The following FRY variants were observed in gnomAD, a reference collection of about 807,000 sequenced individuals.
The protein encoded by FRY is protein furry homolog.
In FRY, 128 loss-of-function variants were observed where a neutral mutation model predicts 348.4. The ratio of observed to expected loss-of-function variants is 0.37; its 90% CI spans 0.32 to 0.43. The LOEUF is 0.43. Among genes scored for constraint, FRY ranks in the 20% least tolerant of loss-of-function variants. The probability of loss-of-function intolerance (pLI) is 1.00; values close to 1 mark genes in which losing one functional copy is unlikely to be tolerated. For synonymous variants in FRY, 1,370 were observed against 1,374.7 expected (o/e 1.00, Z 0.08); for missense variants, 2,736 against 3,695.2 (o/e 0.74, Z 6.73).
chr13:32,130,283 C>T (rs1359578425), intron 7 of FRY, among the ~76,000 whole-genome samples: 1 of 151,922 alleles, frequency 6.6e-6, no homozygotes, highest in Non-Finnish European at 1.5e-5. Context: ...TCAGGTAATC[C>T]ACCCACTTCG....
chr13:32,281,527 G>A (rs1176510303), intron 58 of FRY, among the ~76,000 whole-genome samples: 2 of 152,218 alleles, frequency 1.3e-5, no homozygotes, highest in East Asian at 1.9e-4. Context: ...ACGGAATGAT[G>A]GAAGGGCAAA....
intron 1 of FRY, among the ~76,000 whole-genome samples, chr13:32,068,674 C>T (rs1199182603): frequency 6.6e-6 from 1 of 152,230 alleles, no homozygotes; most frequent in Non-Finnish European, 1.5e-5. Context: ...TGAACTGCTT[C>T]ACTCTCTCCA....
At chr13:32,033,670 C>T (rs1011233990) in intron 1 of FRY, among the ~76,000 whole-genome samples, 9 of 152,104 alleles carry the variant, frequency 5.9e-5, no homozygotes, top group African/African-American at 2.2e-4. Flanking sequence ...TATTGAATAC[C>T]TACTATGTGC....
At chr13:32,110,083 G>T (rs1170523656) in intron 3 of FRY, among the ~76,000 whole-genome samples, 1 of 152,228 alleles carries the variant, frequency 6.6e-6, no homozygotes, top group African/African-American at 2.4e-5. Context: ...GAAGGCTTTT[G>T]CTGCAATGGC....
intron 50 of FRY, among the ~76,000 whole-genome samples, chr13:32,252,575 A>G (rs550982656): frequency 3.9e-5 from 6 of 152,218 alleles, no homozygotes; most frequent in Admixed American, 6.5e-5. Flanking sequence ...AGTGTCTGCT[A>G]GTTTCACCAG....
intron 29 of FRY, among the ~76,000 whole-genome samples, chr13:32,201,109 G>A (rs1884002587): frequency 6.6e-6 from 1 of 152,152 alleles, no homozygotes; most frequent in South Asian, 2.1e-4. Context: ...GCCTAGCCTC[G>A]CTTCCTTCTG....
At chr13:32,249,393 C>A in intron 48 of FRY, 133 bp from the exon 49 acceptor site, 1 of 885,078 alleles carries the variant, frequency 1.1e-6, no homozygotes, top group Non-Finnish European at 1.8e-6. Context: ...GAAAATGAGC[C>A]CACTTGTAAC....
intron 3 of FRY, among the ~76,000 whole-genome samples, chr13:32,117,015 T>C (rs1878342443): frequency 6.6e-6 from 1 of 152,210 alleles, no homozygotes; most frequent in Non-Finnish European, 1.5e-5. Context: ...TCATCTACTT[T>C]AGGCAGATGA....
In FRY at chr13:32,079,227, T is replaced by C. The variant is rs111401924; in HGVS notation, c.270+194T>C. 4.5e-3 allele frequency among the ~76,000 whole-genome samples: 684 copies of C among 152,354 alleles called. 6 individuals are homozygous for C. Among genetic ancestry groups the C allele is most frequent in the African/African-American group, 0.016 (652 of 41,586 alleles). ...GAAACAATTTGAGTGTTGAGGATTTTAAAACGATCTTCAGCAAATACTATT... is the reference window on the plus strand; with the variant it reads ...GAAACAATTTGAGTGTTGAGGATTTCAAAACGATCTTCAGCAAATACTATT... On this transcript the variant is annotated intron_variant, in intron 2 of 60. Coordinates refer to ENST00000542859, the MANE Select transcript of FRY (RefSeq NM_023037.3).
At position 32,265,479 on chromosome 13, in the gene FRY, C is replaced by T. The variant is rs1375386410; in HGVS notation, c.7809C>T (p.Thr2603=). The change falls in exon 54 of 61, where the codon ACC becomes ACT. Residue 2603 remains threonine (T), a synonymous_variant. Coordinates refer to ENST00000542859, the MANE Select transcript of FRY (RefSeq NM_023037.3). ...AAGCTGTTCGTGAGGAGGAGGACAC[C>T]ACCGTGCATGAGGATGATCTTTCTA... ...KAEAVREEED[T]TVHEDDLSSS... 4 of 1,613,982 alleles carry T rather than the reference C, an allele frequency of 2.5e-6. No individual in the cohort carries two copies. Among genetic ancestry groups the T allele is most frequent in the Non-Finnish European group, 3.4e-6 (4 of 1,180,024 alleles).
chr13:32,210,863 C>T lies in FRY; in HGVS notation c.4423-3C>T. ...ATCCCTTGTTTTCTTTTTTCCTTCTCAGATTAAAAAAGTGGCAATATACTT... is the reference window on the plus strand; with the variant it reads ...ATCCCTTGTTTTCTTTTTTCCTTCTTAGATTAAAAAAGTGGCAATATACTT... On this transcript the variant is annotated splice_polypyrimidine_tract_variant and splice_region_variant and intron_variant, in intron 33 of 60. Coordinates refer to ENST00000542859, the MANE Select transcript of FRY (RefSeq NM_023037.3). The T allele has an allele frequency of 6.2e-7, 1 of 1,612,964 alleles. No individual in the cohort carries two copies. The highest frequency in any genetic ancestry group is 8.5e-7 in the Non-Finnish European group (1 of 1,179,118).
At position 32,209,746 on chromosome 13, in the gene FRY, G is replaced by A. The variant is rs200282640; in HGVS notation, c.4422+15G>A. ...TCCTACCCTATGTAAGTGTCTCTCA[G>A]CCCTTCAAGAGTGATTATTCCTGCA... On this transcript the variant is annotated intron_variant, in intron 33 of 60. Coordinates refer to ENST00000542859, the MANE Select transcript of FRY (RefSeq NM_023037.3). 6.3e-5 allele frequency: 101 copies of A among 1,613,506 alleles called. No individual in the cohort carries two copies. Among genetic ancestry groups the A allele is most frequent in the Non-Finnish European group, 8.2e-5 (97 of 1,179,622 alleles).
In FRY at chr13:32,147,860, A is replaced by T; in HGVS notation, c.1305A>T (p.Thr435=). The change falls in exon 13 of 61, where the codon ACA becomes ACT. Residue 435 remains threonine (T), a synonymous_variant. Transcript: ENST00000542859. The part of the protein sequence containing the change: ...ATQSRLITII[T]TLFPKGSRGV... ...TCAGCCGACTTATAACCATCATCAC[A>T]ACACTTTTCCCCAAAGGGTCCCGCG... 6.2e-7 allele frequency: 1 copy of T among 1,607,728 alleles called. No homozygotes were observed. Among genetic ancestry groups the T allele is most frequent in the Middle Eastern group, 1.7e-4 (1 of 6,044 alleles).
rs1425903294 is a variant in FRY at position 32,102,023 on chromosome 13, G to T, written c.324+7G>T. 8.1e-6 allele frequency: 12 copies of T among 1,477,598 alleles called. No individual in the cohort carries two copies. In the South Asian group the frequency reaches 1.4e-4, roughly 17 times the overall value. The allele number at this position is 1,477,598 out of a possible 1,614,324, so 91.5% of individuals were successfully genotyped here. Reference sequence around the variant, plus strand: ...AGACCCCCAATTTGATCAGGTATGTGATATATATGTTATATACTAGTTTTC... The same window carrying T: ...AGACCCCCAATTTGATCAGGTATGTTATATATATGTTATATACTAGTTTTC... On this transcript the variant is annotated splice_region_variant and intron_variant, in intron 3 of 60. Coordinates refer to ENST00000542859, the MANE Select transcript of FRY (RefSeq NM_023037.3).
At chr13:32,189,355 A>G (rs1004250118) in intron 28 of FRY, among the ~76,000 whole-genome samples, 1 of 151,994 alleles carries the variant, frequency 6.6e-6, no homozygotes, top group African/African-American at 2.4e-5. Context: ...TCCATGCATA[A>G]TTTTTTCATA....
At chr13:32,238,473 A>C (rs1314423330) in intron 44 of FRY, among the ~76,000 whole-genome samples, 1 of 151,694 alleles carries the variant, frequency 6.6e-6, no homozygotes, top group African/African-American at 2.4e-5. Context: ...TTGTTTTTTG[A>C]GACAGAGTCT....
Position 32,179,720 on chromosome 13 carries a change from C to T in FRY, c.2917C>T (p.Pro973Ser). ...SVGVLLKQLV[P>S]LMRLESIEIT... ...GGGAGTTCTGTTAAAGCAGTTGGTG[C>T]CTTTGATGAGACTAGAGAGCATTGA... Residue 973 changes from proline to serine, a missense_variant, in exon 23 of 61, where the codon CCT becomes TCT. Pro to Ser is a moderately conservative substitution (Grantham distance 74, BLOSUM62 -1). Coordinates refer to ENST00000542859, the MANE Select transcript of FRY (RefSeq NM_023037.3). 2 of 1,613,298 alleles carry T rather than the reference C, an allele frequency of 1.2e-6. No individual in the cohort carries two copies. Among genetic ancestry groups the T allele is most frequent in the Non-Finnish European group, 1.7e-6 (2 of 1,179,328 alleles).
chr13:32,169,592 C>T (rs1254188952), intron 17 of FRY, among the ~76,000 whole-genome samples: 1 of 152,164 alleles, frequency 6.6e-6, no homozygotes, highest in Non-Finnish European at 1.5e-5. Context: ...AATCCCTTCC[C>T]TGCTGTGTTG....
intron 2 of FRY, among the ~76,000 whole-genome samples, chr13:32,092,658 T>G (rs1876393547): frequency 6.6e-6 from 1 of 152,166 alleles, no homozygotes. Context: ...AAAATTCCCC[T>G]TGCGTGGGTT....
Sources: gnomAD v4.1 joint callset for allele counts (sites outside exome capture counted in the v4.1 genomes callset) on GRCh38, gnomAD v4.1.1 for gene constraint, MANE v1.5 for transcripts, NCBI Gene and HGNC (gene_info 2026-07-23, HGNC 2026-07-21) for gene names.